Variants in SLCO1A2 observed in about 807,000 individuals in gnomAD.
SLCO1A2 encodes the protein solute carrier organic anion transporter family member 1A2, also known as OATP-1.
A neutral mutation model predicts 69.0 loss-of-function variants in SLCO1A2; 67 were observed. The ratio of observed to expected loss-of-function variants is 0.97; its 90% CI spans 0.80 to 1.19. The LOEUF (loss-of-function observed/expected upper bound fraction) is 1.19, where lower values mean the gene tolerates loss of function less well. Ranked by LOEUF, SLCO1A2 falls within the 50% of genes most tolerant of loss-of-function variation. The probability of loss-of-function intolerance (pLI) is 0.00; values close to 1 mark genes in which losing one functional copy is unlikely to be tolerated. For missense variants in SLCO1A2, 787 were observed against 793.7 expected, an observed-to-expected ratio of 0.99 and a Z score of 0.10; for synonymous variants, 260 against 265.9, an observed-to-expected ratio of 0.98 and a Z score of 0.22.
chr12:21,298,909 T>A (rs1565481487), intron 8 of SLCO1A2, among the ~76,000 whole-genome samples: 1 of 152,174 alleles, frequency 6.6e-6, no homozygotes, highest in Admixed American at 6.5e-5. Context: ...AATTATGATT[T>A]AAGAGAATTT....
chr12:21,286,186 A>C (rs1332395967), intron 12 of SLCO1A2, among the ~76,000 whole-genome samples: 1,776 of 90,390 alleles, frequency 0.02, no homozygotes, highest in Admixed American at 0.024. Context: ...TCAATGTACA[A>C]AAATCACAAG....
rs184451169 is a variant in SLCO1A2, at chr12:21,279,686, A to G, written c.1611-4262T>C. Among the ~76,000 whole-genome samples the G allele has an allele frequency of 8.5e-5, 13 of 152,364 alleles. No individual in the cohort carries two copies. The East Asian group carries it at 2.5e-3, about 29-fold the overall frequency. ...TTTCATCAATACCAGCCCATGCTAT[A>G]AGAAATGCTAAAGGGAGTACTTCAA... is the stretch of plus-strand genomic sequence containing the variant. On this transcript the variant is annotated intron_variant, in intron 12 of 14. Coordinates refer to ENST00000683939, the MANE Select transcript of SLCO1A2 (RefSeq NM_001386879.1).
At chr12:21,372,188 A>G (rs1189083268) in intron 2 of SLCO1A2, among the ~76,000 whole-genome samples, 1 of 152,194 alleles carries the variant, frequency 6.6e-6, no homozygotes, top group Non-Finnish European at 1.5e-5. Context: ...ATAATTGTAA[A>G]ATTTCTGTGT....
intron 14 of SLCO1A2, among the ~76,000 whole-genome samples, chr12:21,271,892 A>AT (rs1359672533): frequency 1.3e-5 from 2 of 149,758 alleles, no homozygotes; most frequent in African/African-American, 4.9e-5. Context: ...GTGTATATAT[A>AT]TTTATACATT....
At chr12:21,317,884 G>A (rs1238912109) in intron 3 of SLCO1A2, among the ~76,000 whole-genome samples, 4 of 151,626 alleles carry the variant, frequency 2.6e-5, no homozygotes, top group Admixed American at 2.6e-4. Context: ...CCTCTCTATG[G>A]TCACATATTC....
At position 21,314,595 on chromosome 12, in the gene SLCO1A2, C is replaced by G; in HGVS notation, c.289G>C (p.Gly97Arg). The change falls in exon 4 of 15, where the codon GGC becomes CGC. Residue 97 changes from glycine to arginine, a missense_variant. Physicochemically the swap from Gly to Arg is moderately radical, Grantham distance 125. Transcript: ENST00000683939. ...IMIGIGCVVM[G>R]LGCFLKSLPH... ...AGTGATTTTAAGAAACAGCCTAAGCCCATAACCACACATCCAATGCCAATC... is the reference window on the plus strand; with the variant it reads ...AGTGATTTTAAGAAACAGCCTAAGCGCATAACCACACATCCAATGCCAATC... 1 of 1,613,966 alleles carries G rather than the reference C, an allele frequency of 6.2e-7. No homozygotes were observed. Among genetic ancestry groups the G allele is most frequent in the Non-Finnish European group, 8.5e-7 (1 of 1,179,948 alleles).
At position 21,269,431 on chromosome 12, in the gene SLCO1A2, G is replaced by T. The variant is rs4140389; in HGVS notation, c.*117C>A. On this transcript the variant is annotated 3_prime_UTR_variant, in exon 15 of 15. Transcript: ENST00000683939. ...ACATTTTATTATTTTGAGTTAAGAG[G>T]TTTTTTAGGTTCTTAAAGACAAGAA... The T allele has an allele frequency of 0.21, 139,230 of 653,770 alleles. 16,586 individuals carry two copies. The highest frequency in any genetic ancestry group is 0.42 in the African/African-American group (22,503 of 53,774). 40.5% of individuals were successfully genotyped at this position (653,770 alleles called of 1,614,324 possible).
At chr12:21,272,142 G>C (rs941380476) in intron 14 of SLCO1A2, among the ~76,000 whole-genome samples, 12 of 151,412 alleles carry the variant, frequency 7.9e-5, no homozygotes, top group African/African-American at 2.9e-4. Context: ...GATTTATGTG[G>C]TATCAATACT....
chr12:21,371,762 G>T (rs867831611), intron 2 of SLCO1A2, among the ~76,000 whole-genome samples: 1 of 152,132 alleles, frequency 6.6e-6, no homozygotes, highest in Non-Finnish European at 1.5e-5. Flanking sequence ...CAGCACTTTG[G>T]GAGGCAGAAG....
intron 12 of SLCO1A2, among the ~76,000 whole-genome samples, chr12:21,277,027 T>G (rs566769942): frequency 6.6e-6 from 1 of 152,304 alleles, no homozygotes; most frequent in South Asian, 2.1e-4. Flanking sequence ...GCCAATGGAC[T>G]TGGGAGTCAC....
chr12:21,295,751 C>A lies in SLCO1A2; in HGVS notation c.1117G>T (p.Gly373Cys), dbSNP rs1231709401. 1.3e-6 allele frequency: 2 copies of A among 1,597,678 alleles called. No individual in the cohort carries two copies. Among genetic ancestry groups the A allele is most frequent in the South Asian group, 2.2e-5 (2 of 90,614 alleles). ...TTGAACTTCTTCATAATTAAACCACCAATTATATATCCAATACATATTGGA... is the reference window on the plus strand; with the variant it reads ...TTGAACTTCTTCATAATTAAACCACAAATTATATATCCAATACATATTGGA... ...LPPICIGYII[G>C]GLIMKKFKIT... is the part of the protein sequence containing the mutation. Residue 373 changes from glycine (G) to cysteine (C), a missense_variant, in exon 10 of 15, where the codon GGT becomes TGT. Gly to Cys is a radical substitution (Grantham distance 159). Transcript: ENST00000683939.
chr12:21,295,702 T>C lies in SLCO1A2; in HGVS notation c.1166A>G (p.His389Arg), dbSNP rs1947613126. Residue 389 changes from histidine to arginine, a missense_variant, in exon 10 of 15, where the codon CAC becomes CGC. Coordinates refer to ENST00000683939, the MANE Select transcript of SLCO1A2 (RefSeq NM_001386879.1). ...KFKITVKQAA[H>R]IGCWLSLLEY... ...AAGTAAGGATAACCAACATCCTATG[T>C]GGGCAGCTTGTTTGACAGTAATCTT... 1.9e-6 allele frequency: 3 copies of C among 1,608,906 alleles called. No homozygotes were observed. The highest frequency in any genetic ancestry group is 1.7e-6 in the Non-Finnish European group (2 of 1,175,488).
chr12:21,304,576 G>A lies in SLCO1A2; in HGVS notation c.443-3C>T. On this transcript the variant is annotated splice_region_variant and splice_polypyrimidine_tract_variant and intron_variant, in intron 5 of 14. Transcript: ENST00000683939. ...TGATTTAACTTCCTTTGTACACTCT[G>A]CATTAAAAAAAAAAGACATGACATT... is the stretch of plus-strand genomic sequence containing the variant. 5 of 1,567,142 alleles carry A rather than the reference G, an allele frequency of 3.2e-6. No individual in the cohort carries two copies. Among genetic ancestry groups the A allele is most frequent in the Non-Finnish European group, 2.6e-6 (3 of 1,165,550 alleles).
chr12:21,358,259 T>C (rs959326254), intron 2 of SLCO1A2, among the ~76,000 whole-genome samples: 1 of 152,228 alleles, frequency 6.6e-6, no homozygotes, highest in African/African-American at 2.4e-5. Flanking sequence ...AAAAAATCAT[T>C]AAGCTTGCTA....
intron 8 of SLCO1A2, among the ~76,000 whole-genome samples, chr12:21,298,892 T>A (rs1422320657): frequency 6.6e-6 from 1 of 152,196 alleles, no homozygotes; most frequent in Non-Finnish European, 1.5e-5. Context: ...TGTATTAAAT[T>A]ATGCTCAATT....
intron 10 of SLCO1A2, 72 bp from the exon 11 acceptor site, chr12:21,294,182 A>G: frequency 8.4e-7 from 1 of 1,194,360 alleles, no homozygotes; most frequent in East Asian, 2.8e-5. Flanking sequence ...TTTCATCTCA[A>G]TCCCCAGTTA....
At position 21,297,535 on chromosome 12, in the gene SLCO1A2, T is replaced by C. The variant is rs767557334; in HGVS notation, c.944A>G (p.Asn315Ser). The change falls in exon 9 of 15, where the codon AAT becomes AGT. Residue 315 changes from asparagine to serine, a missense_variant. Asn to Ser is a conservative substitution (Grantham distance 46, BLOSUM62 1). Transcript: ENST00000683939. ...AAGTATGAAAAGCATATAAATTGGATTGCAGGAAAGACTTTTCATGAAAGG... is the reference window on the plus strand; with the variant it reads ...AAGTATGAAAAGCATATAAATTGGACTGCAGGAAAGACTTTTCATGAAAGG... ...FLPFMKSLSC[N>S]PIYMLFILVS... The C allele has an allele frequency of 1.9e-5, 30 of 1,590,026 alleles. No homozygotes were observed. The highest frequency in any genetic ancestry group is 2.5e-5 in the Non-Finnish European group (29 of 1,164,466).
chr12:21,302,282 G>C (rs1948807316), intron 6 of SLCO1A2, among the ~76,000 whole-genome samples: 1 of 152,022 alleles, frequency 6.6e-6, no homozygotes, highest in African/African-American at 2.4e-5. Context: ...CTAATTTAGT[G>C]TCTTTTTTTG....
At chr12:21,274,924 T>TCAAA (rs1372552489) in intron 13 of SLCO1A2, 1 of 1,053,840 alleles carries the variant, frequency 9.5e-7, no homozygotes, top group African/African-American at 1.7e-5. Context: ...TTTCAAATCT[T>TCAAA]CAAACAAAGA....
Sources: allele counts gnomAD v4.1 joint callset (sites outside exome capture counted in the v4.1 genomes callset), GRCh38; gene constraint gnomAD v4.1.1; transcripts MANE v1.5; gene names NCBI Gene and HGNC (gene_info 2026-07-23, HGNC 2026-07-21).